Variants in DNMT3A observed in about 807,000 individuals in gnomAD.
DNMT3A encodes the protein DNA (cytosine-5)-methyltransferase 3A.
DNMT3A carries 267 observed loss-of-function variants against 117.6 expected under a neutral mutation model. The observed-to-expected ratio is 2.27, with a 90% CI of 2.05 to 2.51. The LOEUF is 2.51. DNMT3A is among the 30% of genes most tolerant of loss of function. The pLI is 0.00. For synonymous variants in DNMT3A, 432 were observed against 474.8 expected (o/e 0.91, Z 1.17); for missense variants, 1,029 against 1,260.2 (o/e 0.82, Z 2.78).
Position 25,244,019 on chromosome 2 carries a change from G to T in DNMT3A, c.1852-37C>A, listed in dbSNP as rs2289093. ...GCACAACAGGTCAGATGCAGGCCCA[G>T]CGGTGTCCCAAGCTCCCACCCAGCG... On this transcript the variant is annotated intron_variant, in intron 15 of 22. Transcript: ENST00000321117. 1,119,739 of 1,545,020 alleles carry T rather than the reference G, an allele frequency of 0.72. 409,930 individuals carry two copies. The highest frequency in any genetic ancestry group is 0.75 in the Non-Finnish European group (856,901 of 1,143,918).
intron 2 of DNMT3A, among the ~76,000 whole-genome samples, chr2:25,309,839 G>T (rs1204261481): frequency 6.6e-6 from 1 of 152,146 alleles, no homozygotes; most frequent in Non-Finnish European, 1.5e-5. Context: ...GGATCATGAG[G>T]TCAGGAGATC....
intron 1 of DNMT3A, among the ~76,000 whole-genome samples, chr2:25,332,323 ACTCAG>A (rs1424779757): frequency 6.6e-6 from 1 of 152,056 alleles, no homozygotes; most frequent in Non-Finnish European, 1.5e-5. Context: ...CCGCTTCGAG[ACTCAG>A]CTCAAGCGTC....
In DNMT3A at chr2:25,251,969, C is replaced by T. The variant is rs575886785; in HGVS notation, c.640-3717G>A. On this transcript the variant is annotated intron_variant, in intron 6 of 22. Transcript: ENST00000321117. ...TGTCCCCCGAGGGCGCCAGGTGCCA[C>T]TGGAGCCCTCGAGGAGTGGGGCCTT... The T allele has an allele frequency of 1.1e-4, 56 of 530,462 alleles. No homozygotes were observed. Among genetic ancestry groups the T allele is most frequent in the Non-Finnish European group, 1.7e-4 (52 of 311,174 alleles). 32.9% of individuals were successfully genotyped at this position (530,462 alleles called of 1,614,324 possible). A position where few individuals can be genotyped will look rare whatever the true frequency, so the allele number is the denominator to read the frequency against.
In DNMT3A at chr2:25,298,603, G is replaced by A. The variant is rs1208668468; in HGVS notation, c.177+1536C>T. ...GGAGTCACCAGTGTGCTCTGACTCC[G>A]GCCTGGCTCTCCTCCCACACCTTCT... is the stretch of plus-strand genomic sequence containing the variant. On this transcript the variant is annotated intron_variant, in intron 3 of 22. Coordinates refer to ENST00000321117, the MANE Select transcript of DNMT3A (RefSeq NM_022552.5). This position sits in a 1 kb window ranked among gnomAD's most constrained non-coding sequence, Gnocchi z 4.3. Among the ~76,000 whole-genome samples the A allele has an allele frequency of 3.3e-5, 5 of 152,086 alleles. No homozygotes were observed. The highest frequency in any genetic ancestry group is 2.1e-4 in the South Asian group (1 of 4,816).
chr2:25,239,129 C>T lies in DNMT3A; in HGVS notation c.2408+1G>A, dbSNP rs1457044151. On this transcript the variant is annotated splice_donor_variant, in intron 20 of 22. Coordinates refer to ENST00000321117, the MANE Select transcript of DNMT3A (RefSeq NM_022552.5). LOFTEE classifies it high-confidence loss of function. ...CCCCAGGCCCAGGAGCTTTCACCAA[C>T]CTGTTCATACCGGGAAGGTTACCCC... is the stretch of plus-strand genomic sequence containing the variant. 2.5e-6 allele frequency: 4 copies of T among 1,613,782 alleles called. No individual in the cohort carries two copies. Among genetic ancestry groups the T allele is most frequent in the African/African-American group, 1.3e-5 (1 of 74,922 alleles).
intron 6 of DNMT3A, among the ~76,000 whole-genome samples, chr2:25,249,011 C>T (rs1675205627): frequency 6.6e-6 from 1 of 152,182 alleles, no homozygotes; most frequent in Non-Finnish European, 1.5e-5. Flanking sequence ...CTAATGCTAT[C>T]CCTCCCCCTA....
chr2:25,237,562 G>A lies in DNMT3A; in HGVS notation c.2409-557C>T, dbSNP rs976429588. ...GCAGGCGGGTCACCTGAGGTCAGGAGTTTGAGTCCATCCTGATCAACATGG... is the reference window on the plus strand; with the variant it reads ...GCAGGCGGGTCACCTGAGGTCAGGAATTTGAGTCCATCCTGATCAACATGG... On this transcript the variant is annotated intron_variant, in intron 20 of 22. Transcript: ENST00000321117. This position sits in a 1 kb window ranked among gnomAD's most constrained non-coding sequence, Gnocchi z 5.4. 6.6e-6 allele frequency among the ~76,000 whole-genome samples: 1 copy of A among 152,168 alleles called. No homozygotes were observed. The highest frequency in any genetic ancestry group is 1.5e-5 in the Non-Finnish European group (1 of 68,028).
chr2:25,248,939 C>T (rs1012160285), intron 6 of DNMT3A, among the ~76,000 whole-genome samples: 1 of 152,166 alleles, frequency 6.6e-6, no homozygotes, highest in Admixed American at 6.5e-5. Context: ...CATATGTATT[C>T]ATGTGCCATG....
Position 25,247,068 on chromosome 2 carries a change from T to C in DNMT3A, c.1105A>G (p.Ile369Val). ...ACACTCACCTGCAGGACCTCGTAGA[T>C]GGCTTTGCGGTACATGGGCTGCTTG... Reference protein sequence around the residue: ...YNKQPMYRKAIYEVLQVASSR... With the variant: ...YNKQPMYRKAVYEVLQVASSR... The change falls in exon 9 of 23, where the codon ATC becomes GTC. Residue 369 changes from isoleucine (I) to valine (V), a missense_variant. By Grantham distance (29) the Ile-to-Val change is conservative. Transcript: ENST00000321117. This position sits in a 1 kb window ranked among gnomAD's most constrained non-coding sequence, Gnocchi z 5.6. 1 of 1,614,126 alleles carries C rather than the reference T, an allele frequency of 6.2e-7. No individual in the cohort carries two copies. Among genetic ancestry groups the C allele is most frequent in the South Asian group, 1.1e-5 (1 of 91,074 alleles).
In DNMT3A at chr2:25,252,906, C is replaced by T. The variant is rs1004307710; in HGVS notation, c.640-4654G>A. Among the ~76,000 whole-genome samples, 2 of 152,122 alleles carry T rather than the reference C, an allele frequency of 1.3e-5. No individual in the cohort carries two copies. Among genetic ancestry groups the T allele is most frequent in the African/African-American group, 4.8e-5 (2 of 41,416 alleles). ...GATCGGGGATTGTTTGGGGGGTCTC[C>T]CGCCTCCACACTACAGGTGAATAGA... is the stretch of plus-strand genomic sequence containing the variant. On this transcript the variant is annotated intron_variant, in intron 6 of 22. Transcript: ENST00000321117. This position sits in a 1 kb window ranked among gnomAD's most constrained non-coding sequence, Gnocchi z 5.5.
At chr2:25,248,325 A>G (rs1352951970) in intron 6 of DNMT3A, 73 bp from the exon 7 acceptor site, 3 of 1,517,970 alleles carry the variant, frequency 2.0e-6, no homozygotes, top group Non-Finnish European at 2.7e-6. Flanking sequence ...ACTCAAGGGG[A>G]CCATGTTTGT....
At chr2:25,315,000 C>T (rs548080702) in intron 1 of DNMT3A, among the ~76,000 whole-genome samples, 3 of 152,332 alleles carry the variant, frequency 2.0e-5, no homozygotes, top group African/African-American at 4.8e-5. Context: ...CACTCAGAGA[C>T]ACACAAGAGC....
At position 25,327,309 on chromosome 2, in the gene DNMT3A, C is replaced by T. The variant is rs868023832; in HGVS notation, c.-177-13148G>A. 1.1e-4 allele frequency among the ~76,000 whole-genome samples: 17 copies of T among 152,312 alleles called. No homozygotes were observed. The highest frequency in any genetic ancestry group is 3.9e-4 in the Admixed American group (6 of 15,290). ...ATGGACCCTGACTGATACAGTCACCCGCGGCCCCAAAGGGCTTTTTTCCAT... is the reference window on the plus strand; with the variant it reads ...ATGGACCCTGACTGATACAGTCACCTGCGGCCCCAAAGGGCTTTTTTCCAT... On this transcript the variant is annotated intron_variant, in intron 1 of 22. Coordinates refer to ENST00000321117, the MANE Select transcript of DNMT3A (RefSeq NM_022552.5). This position sits in a 1 kb window ranked among gnomAD's most constrained non-coding sequence, Gnocchi z 4.1.
intron 1 of DNMT3A, among the ~76,000 whole-genome samples, chr2:25,321,804 C>A (rs532598983): frequency 6.6e-6 from 1 of 152,122 alleles, no homozygotes. Context: ...GAGGATCGCT[C>A]GAGCCCAGGA....
rs2033215002 is a variant in DNMT3A, at chr2:25,298,286, C to G, written c.177+1853G>C. On this transcript the variant is annotated intron_variant, in intron 3 of 22. Transcript: ENST00000321117. The surrounding 1 kb of genome is among the most constrained non-coding windows in gnomAD (Gnocchi z 4.3). Reference sequence around the variant, plus strand: ...AGGGGATGTAGGACTGCCGGCCCCTCTCCCCTCACTCGGCTGTGCCCCTCT... The same window carrying G: ...AGGGGATGTAGGACTGCCGGCCCCTGTCCCCTCACTCGGCTGTGCCCCTCT... Among the ~76,000 whole-genome samples, 1 of 152,174 alleles carries G rather than the reference C, an allele frequency of 6.6e-6. No individual in the cohort carries two copies. Among genetic ancestry groups the G allele is most frequent in the East Asian group, 1.9e-4 (1 of 5,194 alleles).
intron 1 of DNMT3A, among the ~76,000 whole-genome samples, chr2:25,321,147 A>G (rs890616269): frequency 6.6e-6 from 1 of 151,732 alleles, no homozygotes. Flanking sequence ...AAAAAAAATT[A>G]TCTTGCAATT....
chr2:25,334,513 C>T (rs2035135592), intron 1 of DNMT3A, among the ~76,000 whole-genome samples: 1 of 152,238 alleles, frequency 6.6e-6, no homozygotes, highest in Non-Finnish European at 1.5e-5. Context: ...GTTATACCTC[C>T]AGTTCCCCAG....
intron 1 of DNMT3A, among the ~76,000 whole-genome samples, chr2:25,336,989 G>A (rs1004755977): frequency 6.6e-6 from 1 of 152,176 alleles, no homozygotes; most frequent in Non-Finnish European, 1.5e-5. Context: ...TTCGTTAGCT[G>A]GGCGCATCCT....
chr2:25,283,809 G>A (rs1206298968), intron 3 of DNMT3A, among the ~76,000 whole-genome samples: 1 of 152,218 alleles, frequency 6.6e-6, no homozygotes. Context: ...GGCTGTCTGT[G>A]TGTGTCACTG....
Sources: allele counts gnomAD v4.1 joint callset (sites outside exome capture counted in the v4.1 genomes callset), GRCh38; gene constraint gnomAD v4.1.1; non-coding constraint Gnocchi (gnomAD v3.1); transcripts MANE v1.5; gene names NCBI Gene and HGNC (gene_info 2026-07-23, HGNC 2026-07-21).